The following SOX6 variants were observed in gnomAD, a reference collection of about 807,000 sequenced individuals.
The protein encoded by SOX6 is SRY-box transcription factor 6.
Under a neutral mutation model 97.8 loss-of-function variants are expected in SOX6, and 11 were observed. The ratio of observed to expected loss-of-function variants is 0.11; its 90% CI spans 0.07 to 0.19. The LOEUF is 0.19. SOX6 is among the 10% of genes least tolerant of loss of function. The pLI, the probability that SOX6 is intolerant of heterozygous loss-of-function variation, is 1.00. For synonymous variants in SOX6, 360 were observed against 371.4 expected, an observed-to-expected ratio of 0.97 and a Z score of 0.35; for missense variants, 810 against 1,039.5, an observed-to-expected ratio of 0.78 and a Z score of 3.04.
intron 11 of SOX6, among the ~76,000 whole-genome samples, chr11:16,047,813 G>A (rs1280589251): frequency 6.6e-6 from 1 of 151,760 alleles, no homozygotes; most frequent in African/African-American, 2.4e-5. Flanking sequence ...TGTCTGATGT[G>A]TACAATGCAT....
chr11:16,567,733 ATT>A (rs58565035), intron 4 of SOX6, among the ~76,000 whole-genome samples: 1 of 129,628 alleles, frequency 7.7e-6, no homozygotes, highest in Non-Finnish European at 1.6e-5. Context: ...CGCCTGGCTG[ATT>A]TTTTTTTTTT....
chr11:16,036,696 A>C (rs1855528220), intron 12 of SOX6, among the ~76,000 whole-genome samples: 1 of 152,180 alleles, frequency 6.6e-6, no homozygotes, highest in South Asian at 2.1e-4. Context: ...GGGATGTCAA[A>C]GTCTGCAGAA....
At chr11:16,730,125 A>G (rs900321191) in intron 2 of SOX6, among the ~76,000 whole-genome samples, 8 of 152,004 alleles carry the variant, frequency 5.3e-5, no homozygotes, top group Non-Finnish European at 1.0e-4. Context: ...AAAGGGACTT[A>G]GACTCCCACA....
intron 1 of SOX6, among the ~76,000 whole-genome samples, chr11:16,460,482 A>G (rs192566437): frequency 7.2e-5 from 11 of 152,192 alleles, no homozygotes; most frequent in Admixed American, 7.2e-4. Flanking sequence ...AATATGAATG[A>G]CAAGGATCCC....
chr11:16,346,128 C>T (rs1384897115), intron 1 of SOX6, among the ~76,000 whole-genome samples: 1 of 138,610 alleles, frequency 7.2e-6, no homozygotes, highest in Non-Finnish European at 1.6e-5. Flanking sequence ...ATTTTTGCAG[C>T]TCAGCCCCAG....
At chr11:16,638,125 A>C (rs771937630) in intron 3 of SOX6, among the ~76,000 whole-genome samples, 4 of 139,312 alleles carry the variant, frequency 2.9e-5, no homozygotes, top group Non-Finnish European at 6.0e-5. Flanking sequence ...CTCATTGTTC[A>C]ATTCCCACCT....
chr11:16,140,660 G>A (rs891192517), intron 6 of SOX6, among the ~76,000 whole-genome samples: 1 of 152,136 alleles, frequency 6.6e-6, no homozygotes, highest in East Asian at 1.9e-4. Context: ...ATAAAGGCAT[G>A]TACATGACTA....
chr11:16,732,851 C>T (rs1284209774), intron 2 of SOX6, among the ~76,000 whole-genome samples: 3 of 152,088 alleles, frequency 2.0e-5, no homozygotes, highest in South Asian at 4.2e-4. Flanking sequence ...TGACAAAGTG[C>T]TAATATCCAG....
chr11:16,173,185 G>A (rs1304182645), intron 6 of SOX6, among the ~76,000 whole-genome samples: 1 of 151,874 alleles, frequency 6.6e-6, no homozygotes, highest in African/African-American at 2.4e-5. Context: ...TCTTGAAGTT[G>A]GCATCCACAC....
At chr11:16,574,616 A>G (rs895505203) in intron 4 of SOX6, among the ~76,000 whole-genome samples, 2 of 152,168 alleles carry the variant, frequency 1.3e-5, no homozygotes, top group African/African-American at 4.8e-5. Flanking sequence ...CAACAATATT[A>G]AAAATGAGAA....
intron 6 of SOX6, among the ~76,000 whole-genome samples, chr11:16,140,889 T>C (rs1360426300): frequency 1.3e-5 from 2 of 152,244 alleles, no homozygotes; most frequent in Middle Eastern, 3.4e-3. Context: ...AGGTGCATAA[T>C]AACCAGAATA....
chr11:16,314,106 A>C (rs934338633), intron 3 of SOX6: 1 of 152,190 alleles, frequency 6.6e-6, no homozygotes, highest in Admixed American at 6.6e-5. Context: ...AAAAACAGTC[A>C]GTGGTTCCTC....
chr11:16,651,838 C>T (rs1010300849), intron 3 of SOX6, among the ~76,000 whole-genome samples: 3 of 152,172 alleles, frequency 2.0e-5, no homozygotes, highest in Admixed American at 2.0e-4. Context: ...CACACTGTCA[C>T]TGTTCACAGA....
At chr11:16,593,433 G>A (rs115095323) in intron 4 of SOX6, among the ~76,000 whole-genome samples, 1,557 of 152,058 alleles carry the variant, frequency 0.01, 19 homozygotes, top group African/African-American at 0.036. Flanking sequence ...TCTAGACTAT[G>A]TCTTTGGCCT....
chr11:16,134,749 C>CA (rs1245025723), intron 6 of SOX6, among the ~76,000 whole-genome samples: 1 of 152,180 alleles, frequency 6.6e-6, no homozygotes, highest in Admixed American at 6.5e-5. Context: ...CAGGCTGCAC[C>CA]ACTGACCAGC....
At position 16,681,552 on chromosome 11, in the gene SOX6, A is replaced by C. The variant is rs180834565; in HGVS notation, n.429+33278T>G. 2.9e-3 allele frequency among the ~76,000 whole-genome samples: 440 copies of C among 152,338 alleles called. 4 individuals are homozygous for C. The highest frequency in any genetic ancestry group is 0.01 in the African/African-American group (422 of 41,574). On this transcript the variant is annotated intron_variant and non_coding_transcript_variant, in intron 3 of 5. Coordinates refer to the SOX6 transcript ENST00000524520. ...CCCTAACATCACAATTAAAAGACCT[A>C]GAGAAGCAAGAGCAAACAAATTCAA... is the stretch of plus-strand genomic sequence containing the variant.
intron 3 of SOX6, among the ~76,000 whole-genome samples, chr11:16,654,806 T>C (rs895032455): frequency 6.6e-6 from 1 of 152,238 alleles, no homozygotes; most frequent in Non-Finnish European, 1.5e-5. Context: ...ACCTCATTAC[T>C]TCATTACTCA....
intron 4 of SOX6, among the ~76,000 whole-genome samples, chr11:16,490,407 T>A (rs1375721439): frequency 6.6e-6 from 1 of 152,050 alleles, no homozygotes; most frequent in Non-Finnish European, 1.5e-5. Flanking sequence ...TAGATCACTA[T>A]TTTGCAAAGT....
chr11:16,167,880 T>C (rs1050969310), intron 6 of SOX6, among the ~76,000 whole-genome samples: 5 of 152,218 alleles, frequency 3.3e-5, no homozygotes, highest in African/African-American at 4.8e-5. Flanking sequence ...ATTTTACTTA[T>C]CTATTTAATG....
Sources: allele counts gnomAD v4.1 joint callset (sites outside exome capture counted in the v4.1 genomes callset), GRCh38; gene constraint gnomAD v4.1.1; transcripts MANE v1.5; gene names NCBI Gene and HGNC (gene_info 2026-07-23, HGNC 2026-07-21).